PDGFC: variants seen among roughly 807,000 people sequenced by gnomAD.
PDGFC encodes platelet-derived growth factor C.
PDGFC carries 12 observed loss-of-function variants against 35.5 expected under a neutral mutation model. That is an observed-to-expected ratio of 0.34 (90% CI 0.22 to 0.55). The LOEUF is 0.55. Ranked by LOEUF, PDGFC falls within the 20% of genes least tolerant of loss-of-function variation. PDGFC has a pLI of 0.91. For missense variants in PDGFC, 322 were observed against 412.4 expected, an observed-to-expected ratio of 0.78 and a Z score of 1.90; for synonymous variants, 159 against 148.8, an observed-to-expected ratio of 1.07 and a Z score of -0.50.
chr4:156,826,173 G>GGTTTTTTT (rs1732467004), intron 2 of PDGFC, among the ~76,000 whole-genome samples: 2 of 75,960 alleles, frequency 2.6e-5, no homozygotes, highest in Non-Finnish European at 5.1e-5. Context: ...CTTTGAGTTG[G>GGTTTTTTT]ATTTTTTTTT....
chr4:156,885,694 C>T (rs868757029), intron 1 of PDGFC, among the ~76,000 whole-genome samples: 16 of 151,980 alleles, frequency 1.1e-4, no homozygotes, highest in Middle Eastern at 3.2e-3. Context: ...AGCTCAAGGC[C>T]AGCCTGGGCA....
chr4:156,937,751 A>C (rs1731718290), intron 1 of PDGFC, among the ~76,000 whole-genome samples: 1 of 152,146 alleles, frequency 6.6e-6, no homozygotes, highest in Admixed American at 6.5e-5. Flanking sequence ...GTGGAAACAT[A>C]TTTTCTAAAG....
At chr4:156,923,981 G>C (rs1420043937) in intron 1 of PDGFC, among the ~76,000 whole-genome samples, 1 of 152,188 alleles carries the variant, frequency 6.6e-6, no homozygotes, top group African/African-American at 2.4e-5. Context: ...ACTGGGAATT[G>C]CTGATGTCTA....
At chr4:156,895,457 C>A (rs1035401789) in intron 1 of PDGFC, among the ~76,000 whole-genome samples, 1 of 151,848 alleles carries the variant, frequency 6.6e-6, no homozygotes, top group African/African-American at 2.4e-5. Context: ...ACATGGTAAA[C>A]CCCATCTCTA....
chr4:156,891,187 G>A (rs1433800092), intron 1 of PDGFC, among the ~76,000 whole-genome samples: 2 of 142,758 alleles, frequency 1.4e-5, no homozygotes, highest in Non-Finnish European at 1.5e-5. Flanking sequence ...ATAAAAAAAA[G>A]GAAAAATGCG....
intron 3 of PDGFC, among the ~76,000 whole-genome samples, chr4:156,791,588 A>G (rs1468390029): frequency 6.6e-6 from 1 of 152,218 alleles, no homozygotes; most frequent in Non-Finnish European, 1.5e-5. Context: ...CTTGAATTTC[A>G]AAGAACTGAT....
chr4:156,767,765 A>C lies in PDGFC; in HGVS notation c.921+8T>G, dbSNP rs373550042. ...CGAAGGAAACCAAAAAGAAAATTGT[A>C]TACCTACCTCGTGGTATTTTTTAGT... is the stretch of plus-strand genomic sequence containing the variant. On this transcript the variant is annotated splice_region_variant and intron_variant, in intron 5 of 5. Coordinates refer to ENST00000502773, the MANE Select transcript of PDGFC (RefSeq NM_016205.3). The C allele has an allele frequency of 1.9e-6, 3 of 1,572,428 alleles. No individual in the cohort carries two copies. In the South Asian group the frequency reaches 3.3e-5, roughly 17 times the overall value.
intron 3 of PDGFC, among the ~76,000 whole-genome samples, chr4:156,791,504 TAA>T (rs566311067): frequency 2.7e-4 from 39 of 145,418 alleles, no homozygotes; most frequent in African/African-American, 8.1e-4. Flanking sequence ...TAGGACAGTT[TAA>T]AAAAAAAAAG....
chr4:156,801,774 G>A (rs1442825345), intron 3 of PDGFC, among the ~76,000 whole-genome samples: 1 of 152,118 alleles, frequency 6.6e-6, no homozygotes, highest in African/African-American at 2.4e-5. Context: ...TTCTAAAGGT[G>A]TCTGTAAAAT....
chr4:156,876,930 G>C (rs763217162), intron 1 of PDGFC: 1 of 151,946 alleles, frequency 6.6e-6, no homozygotes, highest in Non-Finnish European at 1.5e-5. Flanking sequence ...AAAAGTATAA[G>C]AGCTCTACAA....
chr4:156,970,799 G>A lies in PDGFC; in HGVS notation c.105C>T (p.Asn35=), dbSNP rs142930144. 1.4e-5 allele frequency: 22 copies of A among 1,604,740 alleles called. No homozygotes were observed. The African/African-American group carries it at 2.8e-4, about 20-fold the overall frequency. The change falls in exon 1 of 6, where the codon AAC becomes AAT. Residue 35 remains asparagine (N), a synonymous_variant. Transcript: ENST00000502773. ...GGAAAGACTCACCGTTCTGTTCCTTGTTGCTGGAAAACTGGAATTTACTAC... is the reference window on the plus strand; with the variant it reads ...GGAAAGACTCACCGTTCTGTTCCTTATTGCTGGAAAACTGGAATTTACTAC... The part of the protein sequence containing the change: ...NLSSKFQFSS[N]KEQNGVQDPQ...
intron 4 of PDGFC, among the ~76,000 whole-genome samples, chr4:156,772,250 G>A (rs912077495): frequency 2.6e-5 from 4 of 152,024 alleles, no homozygotes; most frequent in African/African-American, 9.7e-5. Flanking sequence ...ATATAATACT[G>A]ACCCATGGGA....
At chr4:156,765,745 C>T (rs1422573520) in intron 5 of PDGFC, among the ~76,000 whole-genome samples, 3 of 151,950 alleles carry the variant, frequency 2.0e-5, no homozygotes, top group South Asian at 4.2e-4. Context: ...ATCTTTTGGC[C>T]AGAATACCTT....
At chr4:156,909,747 C>G (rs770980830) in intron 1 of PDGFC, among the ~76,000 whole-genome samples, 1 of 152,142 alleles carries the variant, frequency 6.6e-6, no homozygotes, top group Non-Finnish European at 1.5e-5. Context: ...GAACAGTATT[C>G]CCTCAAAGAT....
At chr4:156,970,312 A>G (rs1323979852) in intron 1 of PDGFC, among the ~76,000 whole-genome samples, 1 of 152,164 alleles carries the variant, frequency 6.6e-6, no homozygotes. Flanking sequence ...CTTGACCTCT[A>G]TATTTCCTAT....
intron 4 of PDGFC, among the ~76,000 whole-genome samples, chr4:156,768,795 T>C (rs1446835360): frequency 1.3e-5 from 2 of 152,072 alleles, no homozygotes; most frequent in Non-Finnish European, 2.9e-5. Context: ...CTATGAAGAA[T>C]ACCTACTTTT....
At chr4:156,860,543 A>G (rs1230386517) in intron 1 of PDGFC, among the ~76,000 whole-genome samples, 3 of 152,156 alleles carry the variant, frequency 2.0e-5, no homozygotes, top group Non-Finnish European at 4.4e-5. Context: ...GATATGAACA[A>G]ACACCTGACA....
intron 1 of PDGFC, among the ~76,000 whole-genome samples, chr4:156,948,160 A>G (rs1405084150): frequency 6.6e-6 from 1 of 151,640 alleles, no homozygotes; most frequent in Admixed American, 6.6e-5. Context: ...TAAAAAAAAA[A>G]AAAACCTCCC....
At chr4:156,837,771 G>A (rs558630329) in intron 2 of PDGFC, among the ~76,000 whole-genome samples, 5 of 152,292 alleles carry the variant, frequency 3.3e-5, no homozygotes, top group African/African-American at 9.6e-5. Context: ...TAAGAGGCAG[G>A]AAAATAGGTA....
Sources: allele counts gnomAD v4.1 joint callset (sites outside exome capture counted in the v4.1 genomes callset), GRCh38; gene constraint gnomAD v4.1.1; transcripts MANE v1.5; gene names NCBI Gene and HGNC (gene_info 2026-07-23, HGNC 2026-07-21).